DOCK2: variants seen among roughly 807,000 people sequenced by gnomAD.
DOCK2 encodes the protein dedicator of cytokinesis 2.
DOCK2 carries 87 observed loss-of-function variants against 248.9 expected under a neutral mutation model. The ratio of observed to expected loss-of-function variants is 0.35; its 90% CI spans 0.29 to 0.42. DOCK2 has a LOEUF of 0.42. DOCK2 is among the 10% of genes least tolerant of loss of function. The pLI, the probability that DOCK2 is intolerant of heterozygous loss-of-function variation, is 1.00. For synonymous variants in DOCK2, 805 were observed against 821.6 expected (o/e 0.98, Z 0.35); for missense variants, 1,747 against 2,300.2 (o/e 0.76, Z 4.92).
At chr5:169,849,684 C>A (rs1331495447) in intron 27 of DOCK2, among the ~76,000 whole-genome samples, 1 of 152,236 alleles carries the variant, frequency 6.6e-6, no homozygotes, top group Non-Finnish European at 1.5e-5. Context: ...AGTGTTGGTA[C>A]TTATGAAATA....
chr5:169,936,319 G>A (rs1162664097), intron 27 of DOCK2, among the ~76,000 whole-genome samples: 1 of 152,146 alleles, frequency 6.6e-6, no homozygotes, highest in Non-Finnish European at 1.5e-5. Flanking sequence ...AGGGCAGTGG[G>A]TTCCTAGGGC....
chr5:169,981,395 T>C (rs1777931490), intron 27 of DOCK2, among the ~76,000 whole-genome samples: 1 of 152,220 alleles, frequency 6.6e-6, no homozygotes, highest in Non-Finnish European at 1.5e-5. Flanking sequence ...TTTTACAAAT[T>C]GAAGGTTTGT....
intron 27 of DOCK2, among the ~76,000 whole-genome samples, chr5:169,847,615 A>G (rs548290122): frequency 6.6e-6 from 1 of 152,236 alleles, no homozygotes; most frequent in Non-Finnish European, 1.5e-5. Context: ...TTCTTCTTAT[A>G]TCTGAGTTTC....
intron 25 of DOCK2, among the ~76,000 whole-genome samples, chr5:169,802,040 T>C (rs528316466): frequency 6.6e-6 from 1 of 152,168 alleles, no homozygotes; most frequent in South Asian, 2.1e-4. Context: ...TTTTTTTTCC[T>C]CAAGGTTTTC....
At chr5:170,081,770 C>A (rs867118674) in intron 50 of DOCK2, 72 bp from the exon 51 acceptor site, 2 of 1,370,218 alleles carry the variant, frequency 1.5e-6, no homozygotes, top group African/African-American at 2.9e-5. Context: ...AGCCCTCCCC[C>A]TGTCTACCTC....
chr5:169,651,787 A>T (rs1203617690), intron 1 of DOCK2, among the ~76,000 whole-genome samples: 1 of 152,222 alleles, frequency 6.6e-6, no homozygotes, highest in Non-Finnish European at 1.5e-5. Context: ...GCGTTTATGC[A>T]GGAGGAGAGA....
chr5:170,075,979 T>A lies in DOCK2; in HGVS notation c.4761T>A (p.His1587Gln). Reference sequence around the variant, plus strand: ...TCTTGGGAGCTGGGATTAAGATCCATGAGAAAAGGGTGTCAGATAACTTGC... The same window carrying A: ...TCTTGGGAGCTGGGATTAAGATCCAAGAGAAAAGGGTGTCAGATAACTTGC... ...IPFLGAGIKI[H>Q]EKRVSDNLRP... The change falls in exon 47 of 52, where the codon CAT becomes CAA. Residue 1587 changes from histidine (H) to glutamine (Q), a missense_variant. Coordinates refer to ENST00000520908, the MANE Select transcript of DOCK2 (RefSeq NM_004946.3). 1 of 1,614,016 alleles carries A rather than the reference T, an allele frequency of 6.2e-7. No homozygotes were observed. The highest frequency in any genetic ancestry group is 8.5e-7 in the Non-Finnish European group (1 of 1,179,978).
At chr5:169,934,326 A>G (rs1775888777) in intron 27 of DOCK2, among the ~76,000 whole-genome samples, 1 of 152,120 alleles carries the variant, frequency 6.6e-6, no homozygotes, top group African/African-American at 2.4e-5. Flanking sequence ...TTCCCCTCCT[A>G]GGTACTTTGG....
intron 3 of DOCK2, 61 bp downstream of exon 3, chr5:169,669,389 C>A: frequency 6.3e-7 from 1 of 1,579,964 alleles, no homozygotes; most frequent in Admixed American, 1.7e-5. Context: ...CCCCGCTATC[C>A]CATCTGAGCA....
chr5:169,979,369 C>G (rs77558445), intron 27 of DOCK2, among the ~76,000 whole-genome samples: 1 of 152,150 alleles, frequency 6.6e-6, no homozygotes, highest in Non-Finnish European at 1.5e-5. Flanking sequence ...CAAACTTGTA[C>G]AGAGGGGCAG....
intron 2 of DOCK2, among the ~76,000 whole-genome samples, chr5:169,659,021 T>C (rs1758296241): frequency 2.1e-5 from 3 of 139,826 alleles, no homozygotes; most frequent in Non-Finnish European, 4.7e-5. Flanking sequence ...ATTATTATTA[T>C]TATTATTATT....
At chr5:170,045,666 C>T in intron 38 of DOCK2, 150 bp from the exon 39 acceptor site, 5 of 724,150 alleles carry the variant, frequency 6.9e-6, no homozygotes, top group South Asian at 3.3e-5. Flanking sequence ...CTAGGAAGCC[C>T]CCGGCCCCTC....
At chr5:169,819,194 C>T (rs978840424) in intron 26 of DOCK2, among the ~76,000 whole-genome samples, 3 of 152,176 alleles carry the variant, frequency 2.0e-5, no homozygotes, top group Non-Finnish European at 2.9e-5. Flanking sequence ...CCTGTACTCC[C>T]AGCTACTCAG....
chr5:169,794,695 C>T (rs965549843), intron 25 of DOCK2, among the ~76,000 whole-genome samples: 44 of 152,192 alleles, frequency 2.9e-4, no homozygotes, highest in South Asian at 1.5e-3. Context: ...GAGGCCGAGG[C>T]GGGCGGATCA....
At position 169,830,433 on chromosome 5, in the gene DOCK2, A is replaced by C. The variant is rs1015275783; in HGVS notation, c.2704-10324A>C. Among the ~76,000 whole-genome samples the C allele has an allele frequency of 1.1e-4, 16 of 152,234 alleles. 1 individual carries two copies. Among genetic ancestry groups the C allele is most frequent in the African/African-American group, 3.9e-4 (16 of 41,458 alleles). Reference sequence around the variant, plus strand: ...ATATTGAACACAAAGCACACAGCCCATTGCCCAGCACATAGTAAGAATTCA... The same window carrying C: ...ATATTGAACACAAAGCACACAGCCCCTTGCCCAGCACATAGTAAGAATTCA... On this transcript the variant is annotated intron_variant, in intron 26 of 51. Transcript: ENST00000520908.
At chr5:170,043,630 G>T (rs570527769) in intron 38 of DOCK2, among the ~76,000 whole-genome samples, 1 of 152,310 alleles carries the variant, frequency 6.6e-6, no homozygotes, top group South Asian at 2.1e-4. Context: ...AATTCCCAAG[G>T]CTCAAGCAGT....
At chr5:169,795,275 A>G (rs1275967029) in intron 25 of DOCK2, among the ~76,000 whole-genome samples, 1 of 152,012 alleles carries the variant, frequency 6.6e-6, no homozygotes, top group Non-Finnish European at 1.5e-5. Flanking sequence ...GCCTAACTAT[A>G]TTTTCTCCCT....
intron 27 of DOCK2, among the ~76,000 whole-genome samples, chr5:169,903,609 G>A (rs916478217): frequency 6.6e-6 from 1 of 152,142 alleles, no homozygotes; most frequent in Non-Finnish European, 1.5e-5. Flanking sequence ...TAGGTACAAA[G>A]GCCTCCAAGT....
chr5:170,005,642 A>G (rs1755002601), intron 30 of DOCK2, among the ~76,000 whole-genome samples: 1 of 152,152 alleles, frequency 6.6e-6, no homozygotes, highest in African/African-American at 2.4e-5. Flanking sequence ...AATGTTCCAA[A>G]ATTAGACAAT....
Sources: gnomAD v4.1 joint callset for allele counts (sites outside exome capture counted in the v4.1 genomes callset) on GRCh38, gnomAD v4.1.1 for gene constraint, MANE v1.5 for transcripts, NCBI Gene and HGNC (gene_info 2026-07-23, HGNC 2026-07-21) for gene names.